SNTG2: variants seen among roughly 807,000 people sequenced by gnomAD.
The protein encoded by SNTG2 is syntrophin gamma 2, also known as gamma-2-syntrophin.
In SNTG2, 74 loss-of-function variants were observed where a neutral mutation model predicts 70.9. The observed-to-expected ratio is 1.04, with a 90% CI of 0.86 to 1.27. The LOEUF is 1.27. Ranked by LOEUF, SNTG2 falls within the 50% of genes most tolerant of loss-of-function variation. The pLI is 0.00. For synonymous variants in SNTG2, 278 were observed against 273.8 expected (o/e 1.02, Z -0.15); for missense variants, 717 against 690.7 (o/e 1.04, Z -0.43).
intron 9 of SNTG2, among the ~76,000 whole-genome samples, chr2:1,228,666 G>T (rs1467036146): frequency 6.6e-6 from 1 of 152,222 alleles, no homozygotes; most frequent in East Asian, 1.9e-4. Context: ...TCCGTTCGTT[G>T]TCAGGTGTGC....
intron 1 of SNTG2, among the ~76,000 whole-genome samples, chr2:1,053,423 C>T (rs1214672792): frequency 1.3e-5 from 2 of 151,870 alleles, no homozygotes; most frequent in Admixed American, 6.6e-5. Context: ...TCTAGCTACT[C>T]CAGGAGGATG....
chr2:1,104,688 G>T (rs1665999251), intron 4 of SNTG2, among the ~76,000 whole-genome samples: 1 of 152,158 alleles, frequency 6.6e-6, no homozygotes, highest in African/African-American at 2.4e-5. Context: ...GAAAACCTGG[G>T]GACTCCGTCC....
At chr2:1,152,619 T>C (rs925513640) in intron 6 of SNTG2, among the ~76,000 whole-genome samples, 12 of 152,282 alleles carry the variant, frequency 7.9e-5, no homozygotes, top group African/African-American at 2.9e-4. Context: ...TGTGCACATG[T>C]ATGCATCTGT....
chr2:985,881 G>A (rs1045282357), intron 1 of SNTG2, among the ~76,000 whole-genome samples: 1 of 152,104 alleles, frequency 6.6e-6, no homozygotes, highest in Non-Finnish European at 1.5e-5. Context: ...ACAGCCAAGT[G>A]TTATCACAGT....
chr2:1,270,236 A>C (rs905513332), intron 14 of SNTG2, among the ~76,000 whole-genome samples: 4 of 152,116 alleles, frequency 2.6e-5, no homozygotes, highest in African/African-American at 9.7e-5. Flanking sequence ...AGCATTTCAA[A>C]ATTAGATGGA....
At chr2:1,209,284 C>G in intron 9 of SNTG2, 54 bp downstream of exon 9, 1 of 1,608,364 alleles carries the variant, frequency 6.2e-7, no homozygotes, top group African/African-American at 1.3e-5. Flanking sequence ...TGCACTTTTG[C>G]CAGTTCCTAC....
chr2:1,319,632 G>T (rs1681434238), intron 16 of SNTG2, among the ~76,000 whole-genome samples: 1 of 152,150 alleles, frequency 6.6e-6, no homozygotes, highest in African/African-American at 2.4e-5. Context: ...TGCAGGCAAG[G>T]GCCTCACAGC....
intron 8 of SNTG2, among the ~76,000 whole-genome samples, chr2:1,194,404 C>A (rs1672779091): frequency 6.6e-6 from 1 of 152,192 alleles, no homozygotes. Flanking sequence ...TATATTTACA[C>A]ATTTAAAGTA....
At chr2:1,365,087 GTT>G (rs59283968) in intron 16 of SNTG2, among the ~76,000 whole-genome samples, 108,950 of 150,806 alleles carry the variant, frequency 0.72, 39,553 homozygotes, top group East Asian at 0.94. Flanking sequence ...AAGCTACTTG[GTT>G]TTTTTTTTTT....
chr2:952,658 G>T (rs564918979), intron 1 of SNTG2, among the ~76,000 whole-genome samples: 1 of 132,582 alleles, frequency 7.5e-6, no homozygotes, highest in South Asian at 2.4e-4. Context: ...TGTATTGAAA[G>T]AAACTTTTTT....
Position 1,093,920 on chromosome 2 carries a change from C to T in SNTG2, c.211-4276C>T, listed in dbSNP as rs539928975. On this transcript the variant is annotated intron_variant, in intron 2 of 16. Coordinates refer to ENST00000308624, the MANE Select transcript of SNTG2 (RefSeq NM_018968.4). Reference sequence around the variant, plus strand: ...AAGGGCTGCCTTCCTGGCTTGCAGGCGAAGGCCTTATAGGTGTGTCCTCAT... The same window carrying T: ...AAGGGCTGCCTTCCTGGCTTGCAGGTGAAGGCCTTATAGGTGTGTCCTCAT... 1.6e-4 allele frequency among the ~76,000 whole-genome samples: 10 copies of T among 62,242 alleles called. No individual in the cohort carries two copies. The South Asian group carries it at 2.1e-3, about 13-fold the overall frequency. The allele number at this position is 62,242 out of a possible 152,430, so 40.8% of individuals were successfully genotyped here. A position where few individuals can be genotyped will look rare whatever the true frequency, so the allele number is the denominator to read the frequency against.
chr2:1,333,538 C>T (rs756169417), intron 16 of SNTG2, among the ~76,000 whole-genome samples: 5 of 152,084 alleles, frequency 3.3e-5, no homozygotes, highest in Admixed American at 6.5e-5. Flanking sequence ...CAACTTCAAA[C>T]CATAATAGAA....
At chr2:987,078 C>T (rs530761716) in intron 1 of SNTG2, among the ~76,000 whole-genome samples, 4 of 152,214 alleles carry the variant, frequency 2.6e-5, no homozygotes, top group African/African-American at 9.6e-5. Context: ...GAAAACACAG[C>T]CTCTATCCTC....
intron 1 of SNTG2, among the ~76,000 whole-genome samples, chr2:1,005,880 T>G (rs1659556822): frequency 2.1e-5 from 2 of 94,498 alleles, no homozygotes; most frequent in Non-Finnish European, 4.4e-5. Flanking sequence ...TATATAAACG[T>G]TGACATTGCT....
At chr2:1,363,572 A>G (rs1364184285) in intron 16 of SNTG2, among the ~76,000 whole-genome samples, 4 of 152,226 alleles carry the variant, frequency 2.6e-5, no homozygotes, top group African/African-American at 7.2e-5. Context: ...ACATCAGCCC[A>G]TGACCGACAT....
At chr2:1,280,500 A>G (rs3925067) in intron 14 of SNTG2, among the ~76,000 whole-genome samples, 23,849 of 152,166 alleles carry the variant, frequency 0.16, 2,841 homozygotes, top group African/African-American at 0.34. Context: ...ATGGCCTGGG[A>G]AGGGACTGGC....
chr2:1,225,464 C>T (rs748427936), intron 9 of SNTG2, among the ~76,000 whole-genome samples: 4 of 152,134 alleles, frequency 2.6e-5, no homozygotes, highest in Admixed American at 1.3e-4. Context: ...GTTGACCGGT[C>T]GTAAAGTAAG....
At chr2:1,102,199 G>A (rs1432369488) in intron 4 of SNTG2, among the ~76,000 whole-genome samples, 1 of 152,138 alleles carries the variant, frequency 6.6e-6, no homozygotes, top group Non-Finnish European at 1.5e-5. Context: ...CGGGGAGAGG[G>A]CGCTGTTTTT....
chr2:1,239,872 G>A (rs1676937769), intron 11 of SNTG2, 96 bp downstream of exon 11: 2 of 1,456,042 alleles, frequency 1.4e-6, no homozygotes, highest in South Asian at 1.2e-5. Context: ...GCAGTCTCTG[G>A]TTTTTTGAAA....
Sources: allele counts gnomAD v4.1 joint callset (sites outside exome capture counted in the v4.1 genomes callset), GRCh38; gene constraint gnomAD v4.1.1; transcripts MANE v1.5; gene names NCBI Gene and HGNC (gene_info 2026-07-23, HGNC 2026-07-21).